NRG1: variants seen among roughly 807,000 people sequenced by gnomAD.
NRG1 encodes the protein neuregulin 1.
In NRG1, 18 loss-of-function variants were observed where a neutral mutation model predicts 63.8. The observed-to-expected ratio is 0.28, with a 90% CI of 0.19 to 0.42. The LOEUF is 0.42. Ranked by LOEUF, NRG1 falls within the 10% of genes least tolerant of loss-of-function variation. The probability of loss-of-function intolerance (pLI) is 1.00; values close to 1 mark genes in which losing one functional copy is unlikely to be tolerated. For missense variants in NRG1, 762 were observed against 814.7 expected (o/e 0.94, Z 0.79); for synonymous variants, 302 against 301.3 (o/e 1.00, Z -0.02).
intron 1 of NRG1, among the ~76,000 whole-genome samples, chr8:31,964,476 C>G (rs1805991077): frequency 6.6e-6 from 1 of 152,114 alleles, no homozygotes; most frequent in Non-Finnish European, 1.5e-5. Context: ...TCTAGACCAG[C>G]CTGGTGAGAC....
rs566484401 is a variant in NRG1 at position 31,831,187 on chromosome 8, C to T, written c.37+191756C>T. Among the ~76,000 whole-genome samples the T allele has an allele frequency of 7.0e-4, 106 of 151,960 alleles. 1 individual carries two copies. Among genetic ancestry groups the T allele is most frequent in the Middle Eastern group, 3.4e-3 (1 of 294 alleles). On this transcript the variant is annotated intron_variant, in intron 1 of 10. Transcript: ENST00000519301. ...CATGATCTTGGCTTACTGCAACATC[C>T]GCCTCCTGAGTTCAAGTGATTCTCC...
intron 1 of NRG1, among the ~76,000 whole-genome samples, chr8:31,873,922 CTT>C (rs1201120110): frequency 2.7e-5 from 4 of 148,606 alleles, no homozygotes; most frequent in African/African-American, 1.1e-4. Context: ...TTGCTCTCTT[CTT>C]AAGTTACAGA....
At chr8:31,892,233 A>G (rs1038319031) in intron 1 of NRG1, among the ~76,000 whole-genome samples, 6 of 152,166 alleles carry the variant, frequency 3.9e-5, no homozygotes, top group African/African-American at 1.4e-4. Context: ...GCTTGATTTT[A>G]TCAGTTGATC....
chr8:31,725,477 T>C (rs1175600857), intron 1 of NRG1, among the ~76,000 whole-genome samples: 1 of 151,964 alleles, frequency 6.6e-6, no homozygotes, highest in Non-Finnish European at 1.5e-5. Flanking sequence ...TGTCAGCATT[T>C]CTGTGCAAAA....
intron 1 of NRG1, among the ~76,000 whole-genome samples, chr8:32,269,833 C>A (rs1370632102): frequency 6.6e-6 from 1 of 152,104 alleles, no homozygotes; most frequent in Non-Finnish European, 1.5e-5. Flanking sequence ...GAACTTATTT[C>A]TCTTTCTCCT....
intron 1 of NRG1, among the ~76,000 whole-genome samples, chr8:31,675,108 C>T (rs1807547663): frequency 1.3e-5 from 2 of 152,122 alleles, no homozygotes; most frequent in African/African-American, 2.4e-5. Flanking sequence ...TTTGGGAGGC[C>T]GAGGTGGATG....
intron 1 of NRG1, among the ~76,000 whole-genome samples, chr8:32,031,692 A>G (rs1430892368): frequency 6.6e-6 from 1 of 151,986 alleles, no homozygotes; most frequent in African/African-American, 2.4e-5. Context: ...GCTCCTACTT[A>G]TAAGTGAGAA....
chr8:32,763,626 T>G, intron 11 of NRG1, 122 bp from the exon 12 acceptor site: 1 of 1,176,428 alleles, frequency 8.5e-7, no homozygotes, highest in South Asian at 1.6e-5. Flanking sequence ...TTAAGCAGCC[T>G]ACAATGAATA....
At chr8:32,030,201 A>C (rs751390828) in intron 1 of NRG1, among the ~76,000 whole-genome samples, 1 of 152,222 alleles carries the variant, frequency 6.6e-6, no homozygotes, top group African/African-American at 2.4e-5. Context: ...GTCATACTAC[A>C]TATGTGAAAG....
At chr8:32,034,211 GTGGTTTTTGTCAT>G (rs1818695758) in intron 1 of NRG1, among the ~76,000 whole-genome samples, 1 of 152,126 alleles carries the variant, frequency 6.6e-6, no homozygotes, top group African/African-American at 2.4e-5. Context: ...AAATAATCAT[GTGGTTTTTGTCAT>G]TGGTTCTGTT....
At chr8:31,752,168 A>G (rs551979838) in intron 1 of NRG1, among the ~76,000 whole-genome samples, 1 of 152,032 alleles carries the variant, frequency 6.6e-6, no homozygotes, top group African/African-American at 2.4e-5. Context: ...TTAGGAGGAA[A>G]TCAGGAAGAT....
At chr8:32,648,065 G>T (rs774909614) in intron 5 of NRG1, 2 of 1,614,082 alleles carry the variant, frequency 1.2e-6, no homozygotes, top group South Asian at 1.1e-5. Flanking sequence ...ACCCTGGGGG[G>T]TTAGGCCAGG....
At chr8:31,891,743 A>G (rs562578846) in intron 1 of NRG1, among the ~76,000 whole-genome samples, 1 of 152,304 alleles carries the variant, frequency 6.6e-6, no homozygotes, top group South Asian at 2.1e-4. Context: ...AAACATCTCC[A>G]GTGTCCACTA....
At chr8:31,704,583 A>G (rs1810939650) in intron 1 of NRG1, among the ~76,000 whole-genome samples, 1 of 152,186 alleles carries the variant, frequency 6.6e-6, no homozygotes, top group Non-Finnish European at 1.5e-5. Flanking sequence ...CTGTAATCCC[A>G]GCACTTTGGG....
chr8:32,514,805 A>C (rs539970959), intron 1 of NRG1, among the ~76,000 whole-genome samples: 2 of 152,036 alleles, frequency 1.3e-5, no homozygotes, highest in East Asian at 1.9e-4. Context: ...TAAAACTGTT[A>C]TTGATTGTTC....
At chr8:32,285,992 C>T (rs894009363) in intron 1 of NRG1, among the ~76,000 whole-genome samples, 13 of 152,176 alleles carry the variant, frequency 8.5e-5, no homozygotes, top group Non-Finnish European at 5.9e-5. Context: ...ATAAGTACTG[C>T]ACCTGTGAAT....
intron 1 of NRG1, among the ~76,000 whole-genome samples, chr8:31,737,658 T>G (rs1814823237): frequency 6.6e-6 from 1 of 152,168 alleles, no homozygotes; most frequent in South Asian, 2.1e-4. Flanking sequence ...ATTTGAGGGT[T>G]AACTCATTCT....
chr8:32,012,560 T>C (rs1447623496), intron 1 of NRG1, among the ~76,000 whole-genome samples: 1 of 152,096 alleles, frequency 6.6e-6, no homozygotes, highest in Non-Finnish European at 1.5e-5. Flanking sequence ...ACTTAGAGGT[T>C]TTTTTCTAGA....
chr8:31,765,222 C>T (rs898858594), intron 1 of NRG1, among the ~76,000 whole-genome samples: 1 of 151,992 alleles, frequency 6.6e-6, no homozygotes, highest in Non-Finnish European at 1.5e-5. Flanking sequence ...GTTCTATGCA[C>T]TTTTTTTATA....
Sources: gnomAD v4.1 joint callset for allele counts (sites outside exome capture counted in the v4.1 genomes callset) on GRCh38, gnomAD v4.1.1 for gene constraint, MANE v1.5 for transcripts, NCBI Gene and HGNC (gene_info 2026-07-23, HGNC 2026-07-21) for gene names.